USH2A: variants seen among roughly 807,000 people sequenced by gnomAD.
The protein encoded by USH2A is Usher syndrome 2A (autosomal recessive, mild).
In USH2A, 443 loss-of-function variants were observed where a neutral mutation model predicts 538.9. The observed-to-expected ratio is 0.82, with a 90% CI of 0.76 to 0.89. The LOEUF (loss-of-function observed/expected upper bound fraction) is 0.89, where lower values mean the gene tolerates loss of function less well. Among genes scored for constraint, USH2A ranks in the 40% least tolerant of loss-of-function variants. USH2A has a pLI of 0.00. For synonymous variants in USH2A, 2,413 were observed against 2,273.5 expected, an observed-to-expected ratio of 1.06 and a Z score of -1.75; for missense variants, 6,633 against 6,324.8, an observed-to-expected ratio of 1.05 and a Z score of -1.65.
chr1:216,265,527 G>A (rs554260935), intron 11 of USH2A, among the ~76,000 whole-genome samples: 3 of 151,870 alleles, frequency 2.0e-5, no homozygotes, highest in Non-Finnish European at 2.9e-5. Flanking sequence ...AAATCAGTAC[G>A]TTGAAGAGAT....
chr1:215,995,564 C>T (rs1325605558), intron 34 of USH2A, among the ~76,000 whole-genome samples: 1 of 151,646 alleles, frequency 6.6e-6, no homozygotes, highest in African/African-American at 2.4e-5. Context: ...CTTGTTTGAC[C>T]TGCCCGCACC....
intron 22 of USH2A, 128 bp downstream of exon 22, chr1:216,096,955 G>T: frequency 1.0e-6 from 1 of 996,536 alleles, no homozygotes; most frequent in Non-Finnish European, 1.5e-6. Flanking sequence ...TTGGCAAAAT[G>T]GGGATAATAA....
At chr1:215,801,017 C>CAAAGGGGAAAAA (rs1321476436) in intron 49 of USH2A, among the ~76,000 whole-genome samples, 1 of 151,418 alleles carries the variant, frequency 6.6e-6, no homozygotes, top group African/African-American at 2.4e-5. Flanking sequence ...ATCAATAGAA[C>CAAAGGGGAAAAA]AAAGGGGAAA....
chr1:215,638,618 C>T (rs1230065590), intron 69 of USH2A, among the ~76,000 whole-genome samples: 3 of 87,568 alleles, frequency 3.4e-5, no homozygotes, highest in Non-Finnish European at 6.6e-5. Context: ...GACTCTGTCT[C>T]AAAAAAAAAA....
At chr1:216,022,640 C>T (rs1016268525) in intron 32 of USH2A, among the ~76,000 whole-genome samples, 35 of 152,162 alleles carry the variant, frequency 2.3e-4, no homozygotes, top group African/African-American at 8.4e-4. Flanking sequence ...GGAAGAAAGA[C>T]ATTTTTCCAC....
intron 34 of USH2A, 146 bp downstream of exon 34, chr1:215,998,741 G>A (rs750748911): frequency 1.0e-4 from 85 of 813,862 alleles, no homozygotes; most frequent in Non-Finnish European, 1.5e-4. Context: ...CATTTAGGAT[G>A]GGAAGAGAGT....
At chr1:216,093,629 C>T (rs1571955394) in intron 22 of USH2A, among the ~76,000 whole-genome samples, 1 of 152,106 alleles carries the variant, frequency 6.6e-6, no homozygotes, top group African/African-American at 2.4e-5. Context: ...ATAGCAACAC[C>T]ACATGTCAAA....
At chr1:216,016,495 T>A (rs936518815) in intron 32 of USH2A, among the ~76,000 whole-genome samples, 6 of 152,094 alleles carry the variant, frequency 3.9e-5, no homozygotes, top group African/African-American at 1.2e-4. Flanking sequence ...GAAATCCACA[T>A]CCCTCCCTTT....
At chr1:216,058,741 A>C (rs1036364473) in intron 30 of USH2A, among the ~76,000 whole-genome samples, 1 of 152,194 alleles carries the variant, frequency 6.6e-6, no homozygotes, top group Admixed American at 6.5e-5. Flanking sequence ...TTTAGTAAGG[A>C]CTAGTAGTTC....
intron 20 of USH2A, among the ~76,000 whole-genome samples, chr1:216,185,208 C>T (rs1292524964): frequency 3.9e-5 from 6 of 151,912 alleles, no homozygotes; most frequent in Non-Finnish European, 8.8e-5. Flanking sequence ...GATGCAGCTG[C>T]TCCTGAGAGA....
chr1:215,869,189 A>G (rs1664560772), intron 43 of USH2A, among the ~76,000 whole-genome samples: 1 of 152,214 alleles, frequency 6.6e-6, no homozygotes, highest in African/African-American at 2.4e-5. Flanking sequence ...GCTCAGAGAG[A>G]TAAATAACTT....
chr1:215,823,225 C>T lies in USH2A; in HGVS notation c.9372-6030G>A, dbSNP rs978936292. Among the ~76,000 whole-genome samples the T allele has an allele frequency of 2.6e-5, 4 of 152,108 alleles. 1 individual carries two copies. The East Asian group carries it at 7.7e-4, about 29-fold the overall frequency. Reference sequence around the variant, plus strand: ...CTTTAGTATTTCTTATAAGATGGGTCTCATAGTGGTAAATTACTTCAGCTT... The same window carrying T: ...CTTTAGTATTTCTTATAAGATGGGTTTCATAGTGGTAAATTACTTCAGCTT... On this transcript the variant is annotated intron_variant, in intron 47 of 71. Coordinates refer to ENST00000307340, the MANE Select transcript of USH2A (RefSeq NM_206933.4).
At chr1:215,638,104 A>G (rs1406865502) in intron 69 of USH2A, among the ~76,000 whole-genome samples, 1 of 152,232 alleles carries the variant, frequency 6.6e-6, no homozygotes, top group East Asian at 1.9e-4. Flanking sequence ...TTCCAAATTT[A>G]TCATTCTAGG....
At chr1:215,979,065 T>C (rs10158399) in intron 35 of USH2A, among the ~76,000 whole-genome samples, 14,186 of 152,184 alleles carry the variant, frequency 0.093, 1,189 homozygotes, top group African/African-American at 0.22. Context: ...CAGTTCCACA[T>C]GGCTAGGGAG....
intron 11 of USH2A, among the ~76,000 whole-genome samples, chr1:216,284,592 T>C (rs765286384): frequency 2.6e-5 from 4 of 152,096 alleles, no homozygotes; most frequent in African/African-American, 4.8e-5. Context: ...TACTGGGTAG[T>C]GGGGCGCTGC....
chr1:216,031,282 A>G (rs929325783), intron 32 of USH2A, among the ~76,000 whole-genome samples: 5 of 152,074 alleles, frequency 3.3e-5, no homozygotes, highest in African/African-American at 4.8e-5. Flanking sequence ...GCCCCCTATA[A>G]ATATATGGTT....
chr1:216,096,040 AT>A (rs1216060168), intron 22 of USH2A, among the ~76,000 whole-genome samples: 6,623 of 152,296 alleles, frequency 0.043, 479 homozygotes, highest in African/African-American at 0.15. Context: ...TCTCTTACTC[AT>A]CTCACATGCT....
chr1:215,822,824 G>A (rs1418782681), intron 47 of USH2A, among the ~76,000 whole-genome samples: 1 of 151,870 alleles, frequency 6.6e-6, no homozygotes, highest in African/African-American at 2.4e-5. Flanking sequence ...TTATAATAAA[G>A]CCATATTGAA....
chr1:216,412,107 T>C (rs899781470), intron 3 of USH2A, among the ~76,000 whole-genome samples: 2 of 152,160 alleles, frequency 1.3e-5, no homozygotes, highest in Non-Finnish European at 2.9e-5. Flanking sequence ...CAATATTTTC[T>C]TTATATGTTC....
Sources: gnomAD v4.1 joint callset for allele counts (sites outside exome capture counted in the v4.1 genomes callset) on GRCh38, gnomAD v4.1.1 for gene constraint, MANE v1.5 for transcripts, NCBI Gene and HGNC (gene_info 2026-07-23, HGNC 2026-07-21) for gene names.